The following THSD7B variants were observed in gnomAD, a reference collection of about 807,000 sequenced individuals.
THSD7B encodes thrombospondin type 1 domain containing 7B.
Under a neutral mutation model 213.6 loss-of-function variants are expected in THSD7B, and 138 were observed. That is an observed-to-expected ratio of 0.65 (90% CI 0.56 to 0.74). THSD7B has a LOEUF of 0.74. Among genes scored for constraint, THSD7B ranks in the 30% least tolerant of loss-of-function variants. THSD7B has a pLI of 0.00. For missense variants in THSD7B, 1,931 were observed against 1,991.5 expected (o/e 0.97, Z 0.58); for synonymous variants, 742 against 687.0 (o/e 1.08, Z -1.25).
chr2:136,914,626 G>C (rs142080522), intron 2 of THSD7B, among the ~76,000 whole-genome samples: 2,795 of 152,244 alleles, frequency 0.018, 40 homozygotes, highest in East Asian at 0.048. Flanking sequence ...CATGAGATCT[G>C]ATGGGTTTAT....
intron 9 of THSD7B, among the ~76,000 whole-genome samples, chr2:137,239,157 A>G (rs76782089): frequency 9.4e-4 from 143 of 152,210 alleles, no homozygotes; most frequent in African/African-American, 3.4e-3. Context: ...TGAAATAATT[A>G]TAGATCCACA....
chr2:137,195,131 T>C (rs1017732693), intron 7 of THSD7B, among the ~76,000 whole-genome samples: 13 of 152,054 alleles, frequency 8.5e-5, no homozygotes, highest in Non-Finnish European at 1.8e-4. Context: ...AGCTCTTTAC[T>C]GTATTCACAA....
At chr2:136,998,268 AAAAAAAAAAAAAAGAAAG>A (rs1183158507) in intron 2 of THSD7B, among the ~76,000 whole-genome samples, 1 of 134,882 alleles carries the variant, frequency 7.4e-6, no homozygotes, top group Non-Finnish European at 1.6e-5. Flanking sequence ...GGCCAAAAAA[AAAAAAAAAAAAAAGAAAG>A]AAAAAAAGAA....
intron 3 of THSD7B, among the ~76,000 whole-genome samples, chr2:137,066,898 T>C (rs1263379000): frequency 6.6e-6 from 1 of 152,138 alleles, no homozygotes; most frequent in Non-Finnish European, 1.5e-5. Flanking sequence ...TAATCCTCTT[T>C]GAATTTCAGT....
intron 2 of THSD7B, among the ~76,000 whole-genome samples, chr2:136,900,600 CT>C (rs1002692560): frequency 1.5e-4 from 23 of 152,140 alleles, no homozygotes; most frequent in African/African-American, 5.6e-4. Flanking sequence ...TTTCCTATAC[CT>C]AATGCTTTTT....
intron 3 of THSD7B, among the ~76,000 whole-genome samples, chr2:137,090,157 G>A (rs1360165410): frequency 2.0e-5 from 3 of 151,288 alleles, no homozygotes; most frequent in South Asian, 4.2e-4. Flanking sequence ...GTATATACAG[G>A]TCTATACATA....
intron 2 of THSD7B, among the ~76,000 whole-genome samples, chr2:136,983,371 G>GACACACACACACACACACACACACACA (rs1398395384): frequency 1.1e-4 from 15 of 141,218 alleles, no homozygotes; most frequent in Admixed American, 1.4e-4. Flanking sequence ...ACACACACAC[G>GACACACACACACACACACACACACACA]CACACACACT....
Position 137,231,169 on chromosome 2 carries a change from T to C in THSD7B, c.1849T>C (p.Cys617Arg). 6.2e-7 allele frequency: 1 copy of C among 1,613,554 alleles called. No homozygotes were observed. Among genetic ancestry groups the C allele is most frequent in the Non-Finnish European group, 8.5e-7 (1 of 1,179,692 alleles). ...GGAGTGGTCATCCTGTTCCCAGTCCTGTTCAAATAAAAACTCAGATGGGAA... is the reference window on the plus strand; with the variant it reads ...GGAGTGGTCATCCTGTTCCCAGTCCCGTTCAAATAAAAACTCAGATGGGAA... Reference protein sequence around the residue: ...WTEWSSCSQSCSNKNSDGKQT... With the variant: ...WTEWSSCSQSRSNKNSDGKQT... Residue 617 changes from cysteine (C) to arginine (R), a missense_variant, in exon 8 of 28, where the codon TGT becomes CGT. Coordinates refer to ENST00000409968, the MANE Select transcript of THSD7B (RefSeq NM_001316349.2).
chr2:137,659,045 A>T (rs1013877483), intron 24 of THSD7B, among the ~76,000 whole-genome samples: 5 of 152,124 alleles, frequency 3.3e-5, no homozygotes, highest in Non-Finnish European at 7.4e-5. Context: ...ATTCAAAAAT[A>T]TGTACGGAGC....
intron 4 of THSD7B, among the ~76,000 whole-genome samples, chr2:137,112,412 A>G (rs1374127604): frequency 1.3e-5 from 2 of 151,936 alleles, no homozygotes; most frequent in Non-Finnish European, 2.9e-5. Context: ...AGGATTTATC[A>G]TTTGCCAGTG....
At chr2:137,086,768 A>G (rs1687850174) in intron 3 of THSD7B, among the ~76,000 whole-genome samples, 1 of 152,210 alleles carries the variant, frequency 6.6e-6, no homozygotes, top group Admixed American at 6.5e-5. Context: ...CTGGAAAACA[A>G]ATGAGTTTCC....
chr2:137,230,954 TGGGGGGGTAC>T, intron 7 of THSD7B, 80 bp from the exon 8 acceptor site: 1 of 1,221,164 alleles, frequency 8.2e-7, no homozygotes, highest in Admixed American at 2.4e-5. Flanking sequence ...CTATCATTTT[TGGGGGGGTAC>T]TTTAAACTGA....
Position 137,451,104 on chromosome 2 carries a change from T to G in THSD7B, c.3138+81T>G, listed in dbSNP as rs1687642545. On this transcript the variant is annotated intron_variant, in intron 15 of 27. Transcript: ENST00000409968. The stretch of plus-strand genomic sequence containing the variant: ...TCCCATTGAAATTGAAGTCATTCTC[T>G]TATTACAAGGAGCTCATTAAAAGTT... 3.6e-6 allele frequency: 5 copies of G among 1,378,472 alleles called. No individual in the cohort carries two copies. The East Asian group carries it at 7.8e-5, about 22-fold the overall frequency. The allele number at this position is 1,378,472 out of a possible 1,614,324, so 85.4% of individuals were successfully genotyped here.
At chr2:137,236,388 C>G (rs577616712) in intron 9 of THSD7B, among the ~76,000 whole-genome samples, 6 of 152,092 alleles carry the variant, frequency 3.9e-5, no homozygotes, top group Non-Finnish European at 8.8e-5. Flanking sequence ...TACCATTGTA[C>G]GAGTAATCGA....
At chr2:136,986,863 T>C (rs1232663674) in intron 2 of THSD7B, among the ~76,000 whole-genome samples, 1 of 152,186 alleles carries the variant, frequency 6.6e-6, no homozygotes, top group Non-Finnish European at 1.5e-5. Context: ...ACTGTAAGCA[T>C]AGCTTATAAT....
intron 21 of THSD7B, among the ~76,000 whole-genome samples, chr2:137,652,806 C>A (rs1414338973): frequency 6.6e-6 from 1 of 152,088 alleles, no homozygotes; most frequent in Non-Finnish European, 1.5e-5. Flanking sequence ...ACTTAGATTG[C>A]AAAGAAAATA....
At chr2:137,565,327 G>C (rs1681213466) in intron 16 of THSD7B, among the ~76,000 whole-genome samples, 1 of 152,108 alleles carries the variant, frequency 6.6e-6, no homozygotes, top group Non-Finnish European at 1.5e-5. Flanking sequence ...CTGGAGGCTG[G>C]GAATTCCAAG....
intron 12 of THSD7B, among the ~76,000 whole-genome samples, chr2:137,403,757 G>A (rs10166676): frequency 0.23 from 35,553 of 152,092 alleles, 4,315 homozygotes; most frequent in South Asian, 0.27. Flanking sequence ...AATTAGAAGA[G>A]GTGTTTTCAA....
Position 136,801,072 on chromosome 2 carries a change from G to C in THSD7B, c.-36+35385G>C, listed in dbSNP as rs534700840. On this transcript the variant is annotated intron_variant, in intron 1 of 27. Transcript: ENST00000409968. The stretch of plus-strand genomic sequence containing the variant: ...TGTGTGTACGTCCATTGTAGGAATA[G>C]TCCTAAGTCTTGATGGTTTGCATAT... Among the ~76,000 whole-genome samples, 283 of 151,968 alleles carry C rather than the reference G, an allele frequency of 1.9e-3. 4 individuals carry two copies. Among genetic ancestry groups the C allele is most frequent in the Non-Finnish European group, 3.1e-4 (21 of 67,918 alleles).
Sources: gnomAD v4.1 joint callset for allele counts (sites outside exome capture counted in the v4.1 genomes callset) on GRCh38, gnomAD v4.1.1 for gene constraint, MANE v1.5 for transcripts, NCBI Gene and HGNC (gene_info 2026-07-23, HGNC 2026-07-21) for gene names.